The following GPCPD1 variants were observed in gnomAD, a reference collection of about 807,000 sequenced individuals.
The protein encoded by GPCPD1 is glycerophosphocholine phosphodiesterase GPCPD1.
A neutral mutation model predicts 89.2 loss-of-function variants in GPCPD1; 29 were observed. The observed-to-expected ratio is 0.33, with a 90% CI of 0.24 to 0.44. The LOEUF (loss-of-function observed/expected upper bound fraction) is 0.44, where lower values mean the gene tolerates loss of function less well. Ranked by LOEUF, GPCPD1 falls within the 20% of genes least tolerant of loss-of-function variation. GPCPD1 has a pLI of 1.00. For missense variants in GPCPD1, 594 were observed against 808.9 expected (o/e 0.73, Z 3.22); for synonymous variants, 258 against 266.3 (o/e 0.97, Z 0.30).
intron 4 of GPCPD1, among the ~76,000 whole-genome samples, chr20:5,591,462 T>C (rs984555000): frequency 6.6e-6 from 1 of 152,226 alleles, no homozygotes; most frequent in African/African-American, 2.4e-5. Context: ...CGCAAAACTT[T>C]TAGCTTTGGT....
chr20:5,557,960 C>A lies in GPCPD1; in HGVS notation c.1814G>T (p.Gly605Val). The change falls in exon 19 of 20, where the codon GGT becomes GTT. Residue 605 changes from glycine (G) to valine (V), a missense_variant. Gly to Val is a moderately radical substitution (Grantham distance 109). Coordinates refer to ENST00000379019, the MANE Select transcript of GPCPD1 (RefSeq NM_019593.5). ...RRKLKELGVN[G>V]LIYDRIYDWM... is the part of the protein sequence containing the mutation. Reference sequence around the variant, plus strand: ...AAACAAATACCTATCATAAATTAGACCATTAACTCCAAGTTCCTTCAATTT... The same window carrying A: ...AAACAAATACCTATCATAAATTAGAACATTAACTCCAAGTTCCTTCAATTT... 6.3e-7 allele frequency: 1 copy of A among 1,585,060 alleles called. No individual in the cohort carries two copies. The highest frequency in any genetic ancestry group is 8.6e-7 in the Non-Finnish European group (1 of 1,157,408).
intron 19 of GPCPD1, among the ~76,000 whole-genome samples, chr20:5,556,956 G>A (rs181848403): frequency 1.1e-4 from 16 of 152,320 alleles, no homozygotes; most frequent in Admixed American, 5.2e-4. Flanking sequence ...TAAATGATAT[G>A]GAGACAAGTC....
chr20:5,598,408 T>C (rs974429761), intron 3 of GPCPD1, among the ~76,000 whole-genome samples: 24 of 151,508 alleles, frequency 1.6e-4, no homozygotes, highest in Non-Finnish European at 2.8e-4. Context: ...CCTGTCTAAC[T>C]AATTATGGTG....
intron 17 of GPCPD1, 39 bp from the exon 18 acceptor site, chr20:5,558,858 G>A: frequency 5.5e-6 from 8 of 1,465,856 alleles, no homozygotes; most frequent in South Asian, 2.6e-5. Context: ...TTCAATGGGG[G>A]GTAACTGTAA....
At chr20:5,561,386 A>C in intron 16 of GPCPD1, 79 bp downstream of exon 16, 1 of 753,682 alleles carries the variant, frequency 1.3e-6, no homozygotes, top group Non-Finnish European at 2.3e-6. Flanking sequence ...TTATTCCATT[A>C]AAATACAAAG....
chr20:5,567,944 T>C (rs575467049), intron 12 of GPCPD1: 1 of 157,006 alleles, frequency 6.4e-6, no homozygotes, highest in Non-Finnish European at 1.4e-5. Context: ...GAAATCAATA[T>C]GAAAGTACTA....
intron 8 of GPCPD1, 58 bp from the exon 9 acceptor site, chr20:5,576,036 C>A: frequency 1.4e-6 from 1 of 726,564 alleles, no homozygotes; most frequent in Non-Finnish European, 2.4e-6. Flanking sequence ...TACATACATA[C>A]ATATACACAC....
At chr20:5,578,158 C>T (rs1021497160) in intron 8 of GPCPD1, among the ~76,000 whole-genome samples, 2 of 152,212 alleles carry the variant, frequency 1.3e-5, no homozygotes, top group Non-Finnish European at 2.9e-5. Flanking sequence ...TCAAAGACAT[C>T]TGGTCTTGAT....
At chr20:5,550,176 AGAGT>A (rs1435132630) in intron 19 of GPCPD1, among the ~76,000 whole-genome samples, 3 of 151,460 alleles carry the variant, frequency 2.0e-5, no homozygotes, top group Non-Finnish European at 2.9e-5. Context: ...CCTGGATGAT[AGAGT>A]GAGACTATCT....
Position 5,557,599 on chromosome 20 carries a change from G to A in GPCPD1, c.1829+346C>T, listed in dbSNP as rs1016649484. Among the ~76,000 whole-genome samples the A allele has an allele frequency of 8.7e-5, 13 of 149,224 alleles. No homozygotes were observed. In the East Asian group the frequency reaches 1.5e-3, roughly 18 times the overall value. On this transcript the variant is annotated intron_variant, in intron 19 of 19. Coordinates refer to ENST00000379019, the MANE Select transcript of GPCPD1 (RefSeq NM_019593.5). ...AGGGAAGGGTCTGAGTTGGAGATAC[G>A]TAAGTGTGAGAACACAGAAAGTTAT...
At chr20:5,598,630 T>A (rs1384387015) in intron 3 of GPCPD1, 95 bp downstream of exon 3, 11 of 714,386 alleles carry the variant, frequency 1.5e-5, no homozygotes, top group South Asian at 1.2e-4. Context: ...ATAAAAATTA[T>A]AACTAAAAGA....
At chr20:5,606,304 C>A (rs146405370) in intron 1 of GPCPD1, among the ~76,000 whole-genome samples, 93 of 151,970 alleles carry the variant, frequency 6.1e-4, no homozygotes, top group Middle Eastern at 3.4e-3. Context: ...AACCTTTGCC[C>A]CCCCCACCAA....
Position 5,547,405 on chromosome 20 carries a change from T to A in GPCPD1, c.*256A>T. ...TGAACATATGTTTAACATTATAGAT[T>A]TATATATTTAGTTTAAAATATTTAT... is the stretch of plus-strand genomic sequence containing the variant. On this transcript the variant is annotated 3_prime_UTR_variant, in exon 20 of 20. Coordinates refer to ENST00000379019, the MANE Select transcript of GPCPD1 (RefSeq NM_019593.5). The A allele has an allele frequency of 4.8e-6, 1 of 208,732 alleles. No homozygotes were observed. The highest frequency in any genetic ancestry group is 9.4e-6 in the Non-Finnish European group (1 of 106,416). The allele number at this position is 208,732 out of a possible 1,614,324, so 12.9% of individuals were successfully genotyped here. A position where few individuals can be genotyped will look rare whatever the true frequency, so the allele number is the denominator to read the frequency against.
intron 2 of GPCPD1, among the ~76,000 whole-genome samples, chr20:5,601,667 C>T (rs1419535768): frequency 1.3e-5 from 2 of 151,928 alleles, no homozygotes; most frequent in Non-Finnish European, 2.9e-5. Flanking sequence ...CCATGCCCAG[C>T]CAACCCTGTC....
At chr20:5,558,545 G>A (rs1022468533) in intron 18 of GPCPD1, 139 bp downstream of exon 18, 16 of 536,468 alleles carry the variant, frequency 3.0e-5, no homozygotes, top group African/African-American at 1.8e-4. Flanking sequence ...TAATATCCTC[G>A]TTTTTAAGTA....
chr20:5,564,728 T>C (rs1986284304), intron 15 of GPCPD1, among the ~76,000 whole-genome samples: 1 of 152,018 alleles, frequency 6.6e-6, no homozygotes, highest in Admixed American at 6.6e-5. Flanking sequence ...TTCCAGCTAT[T>C]TGAGAGACTG....
chr20:5,609,434 G>C (rs1257257279), intron 1 of GPCPD1, among the ~76,000 whole-genome samples: 1 of 152,086 alleles, frequency 6.6e-6, no homozygotes, highest in East Asian at 1.9e-4. Context: ...TATTTAAAAA[G>C]TGTTTCTGGA....
intron 2 of GPCPD1, among the ~76,000 whole-genome samples, chr20:5,599,861 G>A (rs1225632092): frequency 6.6e-6 from 1 of 152,126 alleles, no homozygotes; most frequent in Non-Finnish European, 1.5e-5. Context: ...CCAAAATCTA[G>A]TACTTCTTAA....
intron 7 of GPCPD1, among the ~76,000 whole-genome samples, chr20:5,579,200 T>C (rs1978318157): frequency 1.3e-5 from 2 of 151,972 alleles, no homozygotes; most frequent in Admixed American, 1.3e-4. Context: ...AAAAAATATA[T>C]ATATTATTAA....
Sources: gnomAD v4.1 joint callset for allele counts (sites outside exome capture counted in the v4.1 genomes callset) on GRCh38, gnomAD v4.1.1 for gene constraint, MANE v1.5 for transcripts, NCBI Gene and HGNC (gene_info 2026-07-23, HGNC 2026-07-21) for gene names.